The following CDYL variants were observed in gnomAD, a reference collection of about 807,000 sequenced individuals.
CDYL encodes chromodomain Y like, also known as chromodomain Y-like protein.
A neutral mutation model predicts 47.3 loss-of-function variants in CDYL; 8 were observed. The observed-to-expected ratio is 0.17, with a 90% CI of 0.10 to 0.31. CDYL has a LOEUF of 0.31. Ranked by LOEUF, CDYL falls within the 10% of genes least tolerant of loss-of-function variation. The probability of loss-of-function intolerance (pLI) is 1.00; values close to 1 mark genes in which losing one functional copy is unlikely to be tolerated. For missense variants in CDYL, 471 were observed against 701.4 expected (o/e 0.67, Z 3.71); for synonymous variants, 266 against 265.0 (o/e 1.00, Z -0.04).
rs546892751 is a variant in CDYL at position 4,892,482 on chromosome 6, C to T, written c.691+103C>T. 15 of 1,216,086 alleles carry T rather than the reference C, an allele frequency of 1.2e-5. No homozygotes were observed. In the South Asian group the frequency reaches 1.8e-4, roughly 15 times the overall value. 75.3% of individuals were successfully genotyped at this position (1,216,086 alleles called of 1,614,324 possible). On this transcript the variant is annotated intron_variant, in intron 2 of 6. Coordinates refer to ENST00000397588, the MANE Select transcript of CDYL (RefSeq NM_004824.4). The stretch of plus-strand genomic sequence containing the variant: ...GCTGGGCAGAGTCCGGGGCTTCTCA[C>T]GGCATCTGCTGGAGCCTTGCAGAGA...
At chr6:4,758,917 G>A (rs1218203744) in intron 3 of CDYL, among the ~76,000 whole-genome samples, 1 of 149,166 alleles carries the variant, frequency 6.7e-6, no homozygotes, top group Non-Finnish European at 1.5e-5. Context: ...CAGACATAGA[G>A]TGAAGAGGCT....
At chr6:4,828,809 T>C (rs1026803324) in intron 1 of CDYL, among the ~76,000 whole-genome samples, 3 of 152,190 alleles carry the variant, frequency 2.0e-5, no homozygotes, top group African/African-American at 7.2e-5. Context: ...TTATTTTCTT[T>C]ACTTTCTACT....
intron 2 of CDYL, among the ~76,000 whole-genome samples, chr6:4,901,413 CTTAA>C (rs753070381): frequency 2.6e-4 from 39 of 152,148 alleles, no homozygotes; most frequent in Non-Finnish European, 5.1e-4. Flanking sequence ...CATGCTGTAC[CTTAA>C]GGTTGGGAGC....
chr6:4,866,597 A>G (rs1399838806), intron 1 of CDYL, among the ~76,000 whole-genome samples: 2 of 152,162 alleles, frequency 1.3e-5, no homozygotes, highest in East Asian at 1.9e-4. Context: ...CTTCAGTGTC[A>G]TTTTATTATA....
rs974145831 is a variant in CDYL, at chr6:4,903,733, G to C, written c.691+11354G>C. Among the ~76,000 whole-genome samples the C allele has an allele frequency of 1.3e-5, 2 of 152,138 alleles. 1 individual carries two copies. The highest frequency in any genetic ancestry group is 4.8e-5 in the African/African-American group (2 of 41,420). ...CTGCTTTACTTGATTCATGTTACTT[G>C]GTGTCCACACAGTTGCTGGCTCCTG... is the stretch of plus-strand genomic sequence containing the variant. On this transcript the variant is annotated intron_variant, in intron 2 of 6. Transcript: ENST00000397588.
At chr6:4,710,950 G>A (rs528263781) in intron 1 of CDYL, among the ~76,000 whole-genome samples, 7 of 143,884 alleles carry the variant, frequency 4.9e-5, no homozygotes, top group African/African-American at 1.3e-4. Flanking sequence ...CACACACAAA[G>A]GTAACTGTCA....
chr6:4,843,466 G>A (rs1330616295), intron 1 of CDYL, among the ~76,000 whole-genome samples: 2 of 148,446 alleles, frequency 1.3e-5, no homozygotes, highest in African/African-American at 2.5e-5. Flanking sequence ...TTATTCTTAG[G>A]ATTGGCCATT....
chr6:4,949,887 G>A (rs970533433), intron 5 of CDYL, among the ~76,000 whole-genome samples: 2 of 152,212 alleles, frequency 1.3e-5, no homozygotes, highest in African/African-American at 2.4e-5. Context: ...ACAACCTAGC[G>A]TGAGCCCTGT....
At chr6:4,950,063 G>A (rs1320309640) in intron 5 of CDYL, among the ~76,000 whole-genome samples, 7 of 152,198 alleles carry the variant, frequency 4.6e-5, no homozygotes, top group Admixed American at 4.6e-4. Context: ...GTGCTGAGCA[G>A]AGAGAAGGGC....
chr6:4,880,094 A>G (rs528757637), intron 1 of CDYL, among the ~76,000 whole-genome samples: 1 of 151,966 alleles, frequency 6.6e-6, no homozygotes, highest in Non-Finnish European at 1.5e-5. Context: ...GGTGTTATGC[A>G]TTCTATGGGT....
intron 5 of CDYL, among the ~76,000 whole-genome samples, chr6:4,946,394 G>A (rs941874894): frequency 6.6e-6 from 1 of 152,084 alleles, no homozygotes; most frequent in Non-Finnish European, 1.5e-5. Flanking sequence ...CCCCCAGTGG[G>A]GGCATTTTCC....
chr6:4,801,291 A>G (rs1248664968), intron 1 of CDYL, among the ~76,000 whole-genome samples: 2 of 152,176 alleles, frequency 1.3e-5, no homozygotes, highest in African/African-American at 4.8e-5. Context: ...TTCTTTGGGC[A>G]TGTTTTTCAG....
chr6:4,772,393 G>A (rs896216506), upstream of CDYL, among the ~76,000 whole-genome samples: 3 of 152,168 alleles, frequency 2.0e-5, no homozygotes, highest in Non-Finnish European at 4.4e-5. Context: ...TTTGGGCAGG[G>A]AAGGCAACAG....
chr6:4,736,344 A>G (rs145376644), intron 3 of CDYL, among the ~76,000 whole-genome samples: 1 of 152,214 alleles, frequency 6.6e-6, no homozygotes, highest in Admixed American at 6.5e-5. Flanking sequence ...TGCTGGTACT[A>G]CTATAGTTTG....
intron 1 of CDYL, chr6:4,890,064 A>G: frequency 2.0e-6 from 2 of 985,490 alleles, no homozygotes; most frequent in African/African-American, 1.7e-5. Flanking sequence ...GAAACAGAGG[A>G]AAGCAAACGG....
At chr6:4,861,284 G>C (rs1394600323) in intron 1 of CDYL, among the ~76,000 whole-genome samples, 2 of 152,252 alleles carry the variant, frequency 1.3e-5, no homozygotes, top group Non-Finnish European at 2.9e-5. Flanking sequence ...AGTGCAAATG[G>C]AGTCGTTAAC....
chr6:4,952,334 C>G lies in CDYL; in HGVS notation c.1401C>G (p.Ser467=). The G allele has an allele frequency of 6.2e-7, 1 of 1,614,144 alleles. No homozygotes were observed. The highest frequency in any genetic ancestry group is 8.5e-7 in the Non-Finnish European group (1 of 1,180,026). ...AQEACGKGLV[S]QVFWPGTFTQ... ...AGGCGTGTGGCAAGGGCCTGGTCTC[C>G]CAGGTGTTTTGGCCCGGGACGTTCA... The change falls in exon 6 of 7, where the codon TCC becomes TCG. Residue 467 remains serine (S), a synonymous_variant. Coordinates refer to ENST00000397588, the MANE Select transcript of CDYL (RefSeq NM_004824.4).
intron 1 of CDYL, among the ~76,000 whole-genome samples, chr6:4,847,127 C>T (rs1168508404): frequency 6.6e-6 from 1 of 152,176 alleles, no homozygotes; most frequent in Non-Finnish European, 1.5e-5. Context: ...CACCAGTGGC[C>T]CTCTAACTAT....
At chr6:4,949,663 G>C (rs879429491) in intron 5 of CDYL, among the ~76,000 whole-genome samples, 5 of 152,204 alleles carry the variant, frequency 3.3e-5, no homozygotes, top group Non-Finnish European at 4.4e-5. Context: ...CCCACCGCCT[G>C]CATCTGTGTG....
Sources: gnomAD v4.1 joint callset for allele counts (sites outside exome capture counted in the v4.1 genomes callset) on GRCh38, gnomAD v4.1.1 for gene constraint, MANE v1.5 for transcripts, NCBI Gene and HGNC (gene_info 2026-07-23, HGNC 2026-07-21) for gene names.